The following GRIN2A variants were observed in gnomAD, a reference collection of about 807,000 sequenced individuals.
The protein encoded by GRIN2A is glutamate receptor ionotropic, NMDA 2A.
A neutral mutation model predicts 113.4 loss-of-function variants in GRIN2A; 22 were observed. The observed-to-expected ratio is 0.19, with a 90% CI of 0.14 to 0.28. The LOEUF is 0.28. Among genes scored for constraint, GRIN2A ranks in the 10% least tolerant of loss-of-function variants. The pLI is 1.00. For synonymous variants in GRIN2A, 827 were observed against 738.4 expected, an observed-to-expected ratio of 1.12 and a Z score of -1.94; for missense variants, 1,502 against 1,887.0, an observed-to-expected ratio of 0.80 and a Z score of 3.78.
intron 2 of GRIN2A, among the ~76,000 whole-genome samples, chr16:9,942,012 T>C (rs142844140): frequency 6.6e-6 from 1 of 152,274 alleles, no homozygotes; most frequent in Non-Finnish European, 1.5e-5. Flanking sequence ...CCTCATTAAG[T>C]TGTAGGAATT....
intron 2 of GRIN2A, among the ~76,000 whole-genome samples, chr16:10,133,166 A>G (rs574067682): frequency 1.8e-4 from 28 of 152,356 alleles, no homozygotes; most frequent in Admixed American, 3.3e-4. Flanking sequence ...GCCATAAATC[A>G]TAACATTTAT....
intron 2 of GRIN2A, among the ~76,000 whole-genome samples, chr16:10,167,955 T>C (rs1071502): frequency 0.32 from 48,099 of 152,042 alleles, 7,643 homozygotes; most frequent in South Asian, 0.38. Context: ...GAATAATTTG[T>C]CAACTGAAAA....
At chr16:9,821,669 C>T (rs1301731757) in intron 10 of GRIN2A, among the ~76,000 whole-genome samples, 1 of 152,192 alleles carries the variant, frequency 6.6e-6, no homozygotes. Flanking sequence ...AACTCTCTCT[C>T]CAAAGCCTAA....
At chr16:9,957,238 T>C (rs1177899454) in intron 2 of GRIN2A, among the ~76,000 whole-genome samples, 1 of 152,164 alleles carries the variant, frequency 6.6e-6, no homozygotes, top group Non-Finnish European at 1.5e-5. Context: ...CTGGCACTCA[T>C]CTGGTGCCAG....
At chr16:10,091,927 ATTT>A in intron 2 of GRIN2A, among the ~76,000 whole-genome samples, 1 of 152,302 alleles carries the variant, frequency 6.6e-6, no homozygotes, top group African/African-American at 2.4e-5. Context: ...ATGTTCTAAA[ATTT>A]ATTTGGGGTG....
chr16:10,035,128 T>C (rs986725779), intron 2 of GRIN2A, among the ~76,000 whole-genome samples: 1 of 151,956 alleles, frequency 6.6e-6, no homozygotes, highest in Non-Finnish European at 1.5e-5. Flanking sequence ...TGGGCTCCAG[T>C]GAACCTCCTG....
chr16:9,849,524 T>C (rs897138539), intron 5 of GRIN2A, among the ~76,000 whole-genome samples: 6 of 152,186 alleles, frequency 3.9e-5, no homozygotes, highest in South Asian at 2.1e-4. Flanking sequence ...ATATTTACAA[T>C]GGGCAAAACT....
intron 2 of GRIN2A, among the ~76,000 whole-genome samples, chr16:10,105,113 T>G (rs2048471858): frequency 6.6e-6 from 1 of 151,086 alleles, no homozygotes; most frequent in African/African-American, 2.4e-5. Context: ...GAATTCAGAG[T>G]TCATCCCGAG....
chr16:10,045,838 A>C (rs1283219707), intron 2 of GRIN2A, among the ~76,000 whole-genome samples: 2 of 152,226 alleles, frequency 1.3e-5, no homozygotes, highest in African/African-American at 2.4e-5. Flanking sequence ...CAGGAGGCTC[A>C]GGATTAAATC....
intron 11 of GRIN2A, among the ~76,000 whole-genome samples, chr16:9,785,367 C>A (rs1031378438): frequency 1.4e-5 from 2 of 143,938 alleles, no homozygotes; most frequent in East Asian, 4.1e-4. Context: ...CATGTTCTTA[C>A]TCATAGGTGG....
rs967087487 is a variant in GRIN2A, at chr16:9,753,668, A to T, written c.*9481T>A. ...GTGTTAAGCAAACATATAATTTTGT[A>T]GCTATGCTTGGAAATATTTAATACA... is the stretch of plus-strand genomic sequence containing the variant. On this transcript the variant is annotated 3_prime_UTR_variant, in exon 13 of 13. Transcript: ENST00000330684. 1.0e-5 allele frequency: 2 copies of T among 195,332 alleles called. No homozygotes were observed. The highest frequency in any genetic ancestry group is 2.1e-5 in the Non-Finnish European group (2 of 93,904). 12.1% of individuals were successfully genotyped at this position (195,332 alleles called of 1,614,324 possible). A position where few individuals can be genotyped will look rare whatever the true frequency, so the allele number is the denominator to read the frequency against.
intron 2 of GRIN2A, among the ~76,000 whole-genome samples, chr16:10,167,192 C>A (rs2049942856): frequency 6.6e-6 from 1 of 152,088 alleles, no homozygotes; most frequent in African/African-American, 2.4e-5. Context: ...GGTCTGTGAT[C>A]CCCTGAAATT....
chr16:9,901,569 C>A (rs57687341), intron 3 of GRIN2A, among the ~76,000 whole-genome samples: 1 of 152,094 alleles, frequency 6.6e-6, no homozygotes, highest in Non-Finnish European at 1.5e-5. Context: ...AAGTGATTCT[C>A]GTGCCTCAGC....
chr16:9,932,893 C>G (rs1391493405), intron 3 of GRIN2A, among the ~76,000 whole-genome samples: 2 of 152,144 alleles, frequency 1.3e-5, no homozygotes, highest in African/African-American at 4.8e-5. Context: ...GCCCCAGTGC[C>G]CATGCTCTTA....
intron 2 of GRIN2A, among the ~76,000 whole-genome samples, chr16:10,127,290 G>T (rs985064076): frequency 6.6e-6 from 1 of 151,814 alleles, no homozygotes; most frequent in Non-Finnish European, 1.5e-5. Context: ...TTTATTGGCT[G>T]TATGTTCAAG....
intron 2 of GRIN2A, among the ~76,000 whole-genome samples, chr16:10,142,040 T>A (rs575281796): frequency 6.6e-6 from 1 of 152,344 alleles, no homozygotes; most frequent in African/African-American, 2.4e-5. Context: ...TTGAGGCTGA[T>A]GCCAGCTCAA....
chr16:10,049,684 C>A (rs2047323990), intron 2 of GRIN2A, among the ~76,000 whole-genome samples: 1 of 152,304 alleles, frequency 6.6e-6, no homozygotes, highest in South Asian at 2.1e-4. Context: ...CAGCCCACAA[C>A]TTGCCTGGGA....
intron 3 of GRIN2A, among the ~76,000 whole-genome samples, chr16:9,902,272 T>C (rs2043944077): frequency 6.6e-6 from 1 of 152,204 alleles, no homozygotes; most frequent in South Asian, 2.1e-4. Flanking sequence ...GCATAACTTA[T>C]AGGAAGTACT....
At position 9,756,138 on chromosome 16, in the gene GRIN2A, G is replaced by C; in HGVS notation, c.*7011C>G. 1 of 227,642 alleles carries C rather than the reference G, an allele frequency of 4.4e-6. No homozygotes were observed. The highest frequency in any genetic ancestry group is 8.7e-6 in the Non-Finnish European group (1 of 114,506). 14.1% of individuals were successfully genotyped at this position (227,642 alleles called of 1,614,324 possible). The stretch of plus-strand genomic sequence containing the variant: ...GGGTCACATGGCTGTGTGTGTGTGT[G>C]TGCATACCCACACACATGAGAGCAT... On this transcript the variant is annotated 3_prime_UTR_variant, in exon 13 of 13. Coordinates refer to ENST00000330684, the MANE Select transcript of GRIN2A (RefSeq NM_001134407.3).
Sources: allele counts gnomAD v4.1 joint callset (sites outside exome capture counted in the v4.1 genomes callset), GRCh38; gene constraint gnomAD v4.1.1; transcripts MANE v1.5; gene names NCBI Gene and HGNC (gene_info 2026-07-23, HGNC 2026-07-21).